ENOX2: variants seen among roughly 807,000 people sequenced by gnomAD.
The protein encoded by ENOX2 is APK1 antigen.
Under a neutral mutation model 45.0 loss-of-function variants are expected in ENOX2, and 36 were observed. The observed-to-expected ratio is 0.80, with a 90% CI of 0.61 to 1.06. The LOEUF is 1.06. Ranked by LOEUF, ENOX2 falls within the 50% of genes least tolerant of loss-of-function variation. The probability of loss-of-function intolerance (pLI) is 0.00; values close to 1 mark genes in which losing one functional copy is unlikely to be tolerated. For synonymous variants in ENOX2, 174 were observed against 152.3 expected, an observed-to-expected ratio of 1.14 and a Z score of -1.05; for missense variants, 423 against 462.5, an observed-to-expected ratio of 0.91 and a Z score of 0.78.
chrX:130,712,198 C>T (rs901724477), intron 3 of ENOX2, among the ~76,000 whole-genome samples: 1 of 111,717 alleles, frequency 9.0e-6, no homozygotes, highest in Non-Finnish European at 1.9e-5. Flanking sequence ...TGGTTAAATG[C>T]TTATTATGTG....
At chrX:130,786,332 A>G (rs1454492905) in intron 2 of ENOX2, among the ~76,000 whole-genome samples, 1 of 112,449 alleles carries the variant, frequency 8.9e-6, no homozygotes, top group Non-Finnish European at 1.9e-5. Flanking sequence ...AATGCTGATG[A>G]AAAGGAATGT....
chrX:130,893,808 T>C (rs1050876032), intron 2 of ENOX2, among the ~76,000 whole-genome samples: 1 of 112,176 alleles, frequency 8.9e-6, no homozygotes, highest in Non-Finnish European at 1.9e-5. Context: ...ATTTTTCAAA[T>C]AGCCACTTCC....
At chrX:130,795,027 C>T (rs762630341) in intron 2 of ENOX2, among the ~76,000 whole-genome samples, 20 of 112,049 alleles carry the variant, frequency 1.8e-4, no homozygotes, top group Middle Eastern at 4.6e-3. Context: ...TGCTATACTG[C>T]GTCACTAATG....
Position 130,641,469 on chromosome X carries a change from A to G in ENOX2, c.1130-4059T>C, listed in dbSNP as rs2036080486. The stretch of plus-strand genomic sequence containing the variant: ...CGCAGTGGCTCATGCCTGTAATCCC[A>G]GCACTTTGGGAGGCTGAGGTGGGCA... On this transcript the variant is annotated intron_variant, in intron 10 of 14. Transcript: ENST00000394363. 3.6e-5 allele frequency among the ~76,000 whole-genome samples: 4 copies of G among 111,344 alleles called. No individual in the cohort carries two copies. The South Asian group carries it at 1.5e-3, about 42-fold the overall frequency.
chrX:130,721,537 TCTC>T (rs1369636891), intron 3 of ENOX2, among the ~76,000 whole-genome samples: 4 of 111,896 alleles, frequency 3.6e-5, no homozygotes, highest in African/African-American at 1.3e-4. Flanking sequence ...CACTTCCCAT[TCTC>T]CTCTGCTCCA....
chrX:130,734,404 C>T (rs748204195), intron 3 of ENOX2, among the ~76,000 whole-genome samples: 1 of 111,456 alleles, frequency 9.0e-6, no homozygotes, highest in South Asian at 3.9e-4. Flanking sequence ...TTTGCTTGGC[C>T]TCTGAAGGAG....
At chrX:130,719,502 C>T (rs1032578340) in intron 3 of ENOX2, among the ~76,000 whole-genome samples, 17 of 108,726 alleles carry the variant, frequency 1.6e-4, no homozygotes, top group Non-Finnish European at 2.3e-4. Context: ...TAAACACATA[C>T]GAAAGGCTGT....
intron 2 of ENOX2, among the ~76,000 whole-genome samples, chrX:130,867,893 T>C (rs779207348): frequency 8.9e-6 from 1 of 111,986 alleles, no homozygotes; most frequent in African/African-American, 3.2e-5. Context: ...AAGACTTGCA[T>C]AGGAGGATGC....
chrX:130,648,375 T>C (rs955853170), intron 10 of ENOX2, among the ~76,000 whole-genome samples: 10 of 108,492 alleles, frequency 9.2e-5, no homozygotes, highest in Admixed American at 5.9e-4. Context: ...GAGGCAGAGG[T>C]TGTGGTGAGC....
At chrX:130,888,156 G>A in intron 2 of ENOX2, among the ~76,000 whole-genome samples, 1 of 111,784 alleles carries the variant, frequency 8.9e-6, no homozygotes, top group Non-Finnish European at 1.9e-5. Flanking sequence ...ACAAATCTAT[G>A]TCTACCTAAA....
intron 2 of ENOX2, among the ~76,000 whole-genome samples, chrX:130,885,385 C>T (rs2078883491): frequency 9.0e-6 from 1 of 111,257 alleles, no homozygotes; most frequent in South Asian, 3.8e-4. Context: ...GTTTTCTTAC[C>T]TATAAAATGG....
At chrX:130,755,308 T>A (rs1332722863) in intron 3 of ENOX2, among the ~76,000 whole-genome samples, 1 of 112,078 alleles carries the variant, frequency 8.9e-6, no homozygotes, top group Non-Finnish European at 1.9e-5. Context: ...AATCCATGTA[T>A]AGTTCTTAGA....
intron 2 of ENOX2, among the ~76,000 whole-genome samples, chrX:130,843,464 C>T (rs1273787744): frequency 9.0e-6 from 1 of 111,474 alleles, no homozygotes; most frequent in Non-Finnish European, 1.9e-5. Flanking sequence ...CACTCACTGA[C>T]CTAAAAACTT....
chrX:130,878,458 A>C (rs2078747818), intron 2 of ENOX2, among the ~76,000 whole-genome samples: 1 of 111,304 alleles, frequency 9.0e-6, no homozygotes, highest in African/African-American at 3.3e-5. Flanking sequence ...TCCAGTGGTC[A>C]TATTTCTGCC....
chrX:130,625,506 C>T, intron 14 of ENOX2, 61 bp from the exon 15 acceptor site: 3 of 1,123,095 alleles, frequency 2.7e-6, no homozygotes, highest in Non-Finnish European at 3.6e-6. Flanking sequence ...TCTTCTTTCC[C>T]AGTGTTGCCT....
chrX:130,785,964 C>T (rs141068177), intron 2 of ENOX2, among the ~76,000 whole-genome samples: 199 of 112,508 alleles, frequency 1.8e-3, no homozygotes, highest in African/African-American at 6.1e-3. Context: ...AAGGCTGTGG[C>T]AAAGATAAAC....
chrX:130,784,754 A>G (rs1390499042), intron 2 of ENOX2, among the ~76,000 whole-genome samples: 2 of 107,965 alleles, frequency 1.9e-5, no homozygotes, highest in Admixed American at 2.0e-4. Context: ...TGCCTGGCTA[A>G]TTTTTGTATT....
chrX:130,882,655 T>C (rs1195595815), intron 2 of ENOX2, among the ~76,000 whole-genome samples: 1 of 112,107 alleles, frequency 8.9e-6, no homozygotes, highest in Non-Finnish European at 1.9e-5. Flanking sequence ...GGATGCAATG[T>C]TCCCCTTCAC....
At chrX:130,709,661 GAAAAGAAAAAGAA>G (rs375274299) in intron 3 of ENOX2, among the ~76,000 whole-genome samples, 78 of 101,572 alleles carry the variant, frequency 7.7e-4, no homozygotes, top group African/African-American at 2.4e-3. Flanking sequence ...AAAAAGAAAA[GAAAAGAAAAAGAA>G]AAAAGAAAAA....
Sources: allele counts gnomAD v4.1 joint callset (sites outside exome capture counted in the v4.1 genomes callset), GRCh38; gene constraint gnomAD v4.1.1; transcripts MANE v1.5; gene names NCBI Gene and HGNC (gene_info 2026-07-23, HGNC 2026-07-21).